The following AGBL4 variants were observed in gnomAD, a reference collection of about 807,000 sequenced individuals.
AGBL4 encodes the protein AGBL carboxypeptidase 4, also known as cytosolic carboxypeptidase 6.
Under a neutral mutation model 66.4 loss-of-function variants are expected in AGBL4, and 58 were observed. The observed-to-expected ratio is 0.87, with a 90% confidence interval of 0.71 to 1.09. AGBL4 has a LOEUF of 1.09. AGBL4 is among the 50% of genes least tolerant of loss of function. The pLI is 0.00. For missense variants in AGBL4, 579 were observed against 631.0 expected (o/e 0.92, Z 0.88); for synonymous variants, 234 against 222.9 (o/e 1.05, Z -0.44).
At chr1:48,909,193 G>A (rs936061034) in intron 5 of AGBL4, among the ~76,000 whole-genome samples, 8 of 152,162 alleles carry the variant, frequency 5.3e-5, no homozygotes, top group African/African-American at 1.9e-4. Flanking sequence ...ATAGTTGGGA[G>A]TGTCCAGAAT....
intron 3 of AGBL4, among the ~76,000 whole-genome samples, chr1:49,308,761 G>C (rs1198633355): frequency 2.0e-5 from 3 of 152,188 alleles, no homozygotes; most frequent in African/African-American, 7.2e-5. Context: ...ATTATAGGAT[G>C]TAGTCTGGAA....
intron 3 of AGBL4, among the ~76,000 whole-genome samples, chr1:49,386,096 A>C (rs1210611067): frequency 6.6e-6 from 1 of 152,082 alleles, no homozygotes. Context: ...AAATGTGTAA[A>C]GGCAATAATG....
intron 6 of AGBL4, among the ~76,000 whole-genome samples, chr1:48,672,501 A>G (rs954928925): frequency 3.9e-5 from 6 of 152,172 alleles, no homozygotes; most frequent in African/African-American, 1.4e-4. Context: ...CAGCCCCTCC[A>G]ATGGTTTTAT....
At chr1:48,551,208 C>A (rs989902531) in intron 11 of AGBL4, among the ~76,000 whole-genome samples, 2 of 152,142 alleles carry the variant, frequency 1.3e-5, no homozygotes, top group Non-Finnish European at 2.9e-5. Flanking sequence ...TTCCGTTGTG[C>A]ATGTATTTAG....
At chr1:49,507,743 C>A (rs1648827972) in intron 3 of AGBL4, among the ~76,000 whole-genome samples, 1 of 151,708 alleles carries the variant, frequency 6.6e-6, no homozygotes, top group South Asian at 2.1e-4. Flanking sequence ...ACTCTCACAG[C>A]TAGTAATGAT....
chr1:48,840,770 T>A (rs1005043689), intron 6 of AGBL4, among the ~76,000 whole-genome samples: 2 of 152,168 alleles, frequency 1.3e-5, no homozygotes, highest in Non-Finnish European at 2.9e-5. Context: ...CATAGAGAAA[T>A]GAAAAAACTT....
intron 6 of AGBL4, among the ~76,000 whole-genome samples, chr1:48,860,349 G>A (rs1647363813): frequency 6.6e-6 from 1 of 152,180 alleles, no homozygotes; most frequent in South Asian, 2.1e-4. Flanking sequence ...GCTCCATTGT[G>A]GGAGACATCA....
In AGBL4 at chr1:49,157,584, T is replaced by C. The variant is rs139014357; in HGVS notation, c.377+88186A>G. 3.8e-3 allele frequency among the ~76,000 whole-genome samples: 572 copies of C among 152,304 alleles called. 4 individuals are homozygous for C. The highest frequency in any genetic ancestry group is 0.013 in the African/African-American group (542 of 41,560). ...TATAGTAGAATGATTTATAATCCAT[T>C]GGGTATATACCCAGTAATGGGATTC... On this transcript the variant is annotated intron_variant, in intron 4 of 13. Transcript: ENST00000371839.
intron 1 of AGBL4, among the ~76,000 whole-genome samples, chr1:50,018,724 G>T (rs1183765021): frequency 6.6e-6 from 1 of 152,022 alleles, no homozygotes; most frequent in Non-Finnish European, 1.5e-5. Flanking sequence ...ACGGATCTCA[G>T]AAATACAGAC....
intron 6 of AGBL4, among the ~76,000 whole-genome samples, chr1:48,765,727 T>A (rs1644496544): frequency 6.6e-6 from 1 of 152,202 alleles, no homozygotes; most frequent in Non-Finnish European, 1.5e-5. Flanking sequence ...CAGAGTATTA[T>A]TCAACCATAA....
At chr1:49,915,853 C>A (rs1056540471) in intron 1 of AGBL4, among the ~76,000 whole-genome samples, 3 of 152,132 alleles carry the variant, frequency 2.0e-5, no homozygotes, top group African/African-American at 7.2e-5. Context: ...CAGACTGACA[C>A]CTCACACGGC....
chr1:49,251,534 T>C (rs1364545784), intron 3 of AGBL4, among the ~76,000 whole-genome samples: 1 of 152,138 alleles, frequency 6.6e-6, no homozygotes, highest in Non-Finnish European at 1.5e-5. Context: ...CCCAGACCTG[T>C]GCCAGCCAGA....
chr1:49,254,921 C>G (rs1276514313), intron 3 of AGBL4, among the ~76,000 whole-genome samples: 1 of 152,154 alleles, frequency 6.6e-6, no homozygotes, highest in Non-Finnish European at 1.5e-5. Flanking sequence ...GAAACGATTA[C>G]TTATTAAACA....
chr1:49,115,295 TTAG>T (rs1645495182), intron 4 of AGBL4, among the ~76,000 whole-genome samples: 1 of 152,174 alleles, frequency 6.6e-6, no homozygotes, highest in Non-Finnish European at 1.5e-5. Flanking sequence ...AAGGCTGAAA[TTAG>T]TATGTGTATC....
chr1:48,887,053 C>T (rs12023014), intron 5 of AGBL4, among the ~76,000 whole-genome samples: 76,438 of 151,866 alleles, frequency 0.5, 22,221 homozygotes, highest in Non-Finnish European at 0.67. Flanking sequence ...GAGAAGGACT[C>T]AGGACTGTTT....
At chr1:49,261,206 T>C (rs888437184) in intron 3 of AGBL4, among the ~76,000 whole-genome samples, 2 of 151,040 alleles carry the variant, frequency 1.3e-5, no homozygotes, top group Admixed American at 6.6e-5. Flanking sequence ...AATATCATAC[T>C]GAATGGGCAA....
At chr1:48,899,148 G>A (rs1031340792) in intron 5 of AGBL4, among the ~76,000 whole-genome samples, 9 of 152,218 alleles carry the variant, frequency 5.9e-5, no homozygotes, top group African/African-American at 2.2e-4. Flanking sequence ...ACCTGCCCAG[G>A]TAGAACGGCG....
intron 9 of AGBL4, among the ~76,000 whole-genome samples, chr1:48,616,861 C>T (rs1260723873): frequency 1.3e-5 from 2 of 152,248 alleles, no homozygotes; most frequent in African/African-American, 4.8e-5. Flanking sequence ...CCTCTACATG[C>T]TCCCTGGGTC....
At chr1:48,819,600 G>A (rs890928405) in intron 6 of AGBL4, among the ~76,000 whole-genome samples, 1 of 152,168 alleles carries the variant, frequency 6.6e-6, no homozygotes, top group African/African-American at 2.4e-5. Flanking sequence ...AGTAGTTCTG[G>A]TGAAAGTTGC....
Sources: allele counts gnomAD v4.1 joint callset (sites outside exome capture counted in the v4.1 genomes callset), GRCh38; gene constraint gnomAD v4.1.1; transcripts MANE v1.5; gene names NCBI Gene and HGNC (gene_info 2026-07-23, HGNC 2026-07-21).